The following CPQ variants were observed in gnomAD, a reference collection of about 807,000 sequenced individuals.
CPQ encodes the protein carboxypeptidase Q, also known as Ser-Met dipeptidase.
In CPQ, 37 loss-of-function variants were observed where a neutral mutation model predicts 45.7. The observed-to-expected ratio is 0.81, with a 90% CI of 0.62 to 1.07. The LOEUF (loss-of-function observed/expected upper bound fraction) is 1.07, where lower values mean the gene tolerates loss of function less well. Among genes scored for constraint, CPQ ranks in the 50% least tolerant of loss-of-function variants. The probability of loss-of-function intolerance (pLI) is 0.00; values close to 1 mark genes in which losing one functional copy is unlikely to be tolerated. For missense variants in CPQ, 537 were observed against 572.9 expected (o/e 0.94, Z 0.64); for synonymous variants, 186 against 205.8 (o/e 0.90, Z 0.82).
chr8:96,818,366 T>C (rs1432016892), intron 2 of CPQ, among the ~76,000 whole-genome samples: 4 of 151,990 alleles, frequency 2.6e-5, no homozygotes, highest in Non-Finnish European at 5.9e-5. Flanking sequence ...TCACTGATCA[T>C]AGATCATCAT....
intron 6 of CPQ, among the ~76,000 whole-genome samples, chr8:97,046,170 A>G (rs1232732045): frequency 5.9e-5 from 9 of 152,020 alleles, no homozygotes; most frequent in Non-Finnish European, 5.9e-5. Flanking sequence ...TTCCTTATCA[A>G]TTGGGTCACA....
intron 2 of CPQ, among the ~76,000 whole-genome samples, chr8:96,814,078 C>T (rs897472053): frequency 6.6e-6 from 1 of 151,806 alleles, no homozygotes; most frequent in African/African-American, 2.4e-5. Flanking sequence ...GTATTAAATA[C>T]TTTTTGAACA....
At chr8:96,784,465 G>C (rs1459076807) in intron 1 of CPQ, among the ~76,000 whole-genome samples, 1 of 151,940 alleles carries the variant, frequency 6.6e-6, no homozygotes, top group Non-Finnish European at 1.5e-5. Flanking sequence ...GGAGGAGTCT[G>C]ACAGGCAAAG....
chr8:96,835,299 C>T, intron 3 of CPQ, 119 bp downstream of exon 3: 1 of 752,590 alleles, frequency 1.3e-6, no homozygotes, highest in Non-Finnish European at 1.9e-6. Flanking sequence ...ATGGAGTTTC[C>T]CCCCCAAACA....
chr8:96,805,590 T>G (rs1450988782), intron 2 of CPQ, among the ~76,000 whole-genome samples: 2 of 152,184 alleles, frequency 1.3e-5, no homozygotes, highest in South Asian at 2.1e-4. Context: ...TATTTCATTT[T>G]TTTCATGTAT....
rs143316853 is a variant in CPQ at position 96,850,652 on chromosome 8, C to T, written c.641+15472C>T. Among the ~76,000 whole-genome samples the T allele has an allele frequency of 4.8e-3, 706 of 146,034 alleles. 7 individuals carry two copies. The highest frequency in any genetic ancestry group is 0.017 in the African/African-American group (674 of 39,316). ...GAGATGCAGTTTTGCTCTTGTTGCCCAGGCTAGAGTGCAGCAGTGAGATCT... is the reference window on the plus strand; with the variant it reads ...GAGATGCAGTTTTGCTCTTGTTGCCTAGGCTAGAGTGCAGCAGTGAGATCT... On this transcript the variant is annotated intron_variant, in intron 3 of 7. Transcript: ENST00000220763.
intron 5 of CPQ, among the ~76,000 whole-genome samples, chr8:97,006,257 T>C (rs1409159618): frequency 6.6e-6 from 1 of 152,168 alleles, no homozygotes; most frequent in Non-Finnish European, 1.5e-5. Context: ...AGAGGTGTGA[T>C]TGAGATGTGG....
At chr8:97,045,891 G>A (rs73281757) in intron 6 of CPQ, among the ~76,000 whole-genome samples, 447 of 152,278 alleles carry the variant, frequency 2.9e-3, no homozygotes, top group African/African-American at 9.7e-3. Flanking sequence ...GCAGCTCCTC[G>A]CTGGCACATC....
chr8:96,874,210 C>T (rs1390021038), intron 3 of CPQ, among the ~76,000 whole-genome samples: 1 of 151,768 alleles, frequency 6.6e-6, no homozygotes, highest in Non-Finnish European at 1.5e-5. Flanking sequence ...AAGCCAAGTC[C>T]ATGGAAGTAT....
chr8:97,106,613 T>G lies in CPQ; in HGVS notation c.1256-36407T>G, dbSNP rs76059206. On this transcript the variant is annotated intron_variant, in intron 7 of 7. Transcript: ENST00000220763. ...AAATTCTTCAGTTGCACTAGCCACA[T>G]TTCAAGTACTAGACATCCAAATGGA... 6.4e-3 allele frequency among the ~76,000 whole-genome samples: 978 copies of G among 152,334 alleles called. 8 individuals are homozygous for G. Among genetic ancestry groups the G allele is most frequent in the African/African-American group, 0.023 (943 of 41,568 alleles).
intron 2 of CPQ, among the ~76,000 whole-genome samples, chr8:96,812,766 C>T (rs1811175121): frequency 6.6e-6 from 1 of 151,954 alleles, no homozygotes. Context: ...AGCTAAGAGA[C>T]AAGCAAATAA....
intron 4 of CPQ, among the ~76,000 whole-genome samples, chr8:96,894,926 A>G (rs1218724949): frequency 6.6e-6 from 1 of 152,230 alleles, no homozygotes; most frequent in Non-Finnish European, 1.5e-5. Flanking sequence ...TTTTATAACC[A>G]ATTATATGTT....
In CPQ at chr8:96,966,013, T is replaced by C; in HGVS notation, c.928T>C (p.Ser310Pro). The change falls in exon 5 of 8, where the codon TCA (serine) becomes CCA (proline). Residue 310 changes from serine (S) to proline (P), a missense_variant. Coordinates refer to ENST00000220763, the MANE Select transcript of CPQ (RefSeq NM_016134.4). ...GGATGATGGCGGTGGAGCCTTTATA[T>C]CATGGGAAGCACTCTCACTTATTAA... Reference protein sequence around the residue: ...AMDDGGGAFISWEALSLIKDL... With the variant: ...AMDDGGGAFIPWEALSLIKDL... The C allele has an allele frequency of 6.2e-7, 1 of 1,613,796 alleles. No individual in the cohort carries two copies. Among genetic ancestry groups the C allele is most frequent in the Non-Finnish European group, 8.5e-7 (1 of 1,179,814 alleles).
chr8:96,752,729 G>A (rs1343565547), intron 1 of CPQ, among the ~76,000 whole-genome samples: 1 of 152,076 alleles, frequency 6.6e-6, no homozygotes, highest in African/African-American at 2.4e-5. Flanking sequence ...AATGCTTTCA[G>A]CTTTTGCCCA....
intron 5 of CPQ, among the ~76,000 whole-genome samples, chr8:97,004,380 T>A (rs573599076): frequency 3.3e-5 from 5 of 151,856 alleles, no homozygotes; most frequent in South Asian, 4.2e-4. Context: ...TTAGTGATTT[T>A]AAAAAAACAA....
At chr8:96,719,318 C>T (rs977767229) in intron 1 of CPQ, among the ~76,000 whole-genome samples, 2 of 152,252 alleles carry the variant, frequency 1.3e-5, no homozygotes, top group Non-Finnish European at 2.9e-5. Flanking sequence ...CCTCCGCAGC[C>T]ACTGGCCTGG....
At chr8:96,896,266 C>T (rs1458598670) in intron 4 of CPQ, among the ~76,000 whole-genome samples, 1 of 152,090 alleles carries the variant, frequency 6.6e-6, no homozygotes, top group East Asian at 1.9e-4. Flanking sequence ...TTACTATGCC[C>T]CTATCAACAC....
At chr8:96,695,392 T>G (rs1445728077) in intron 1 of CPQ, among the ~76,000 whole-genome samples, 1 of 146,328 alleles carries the variant, frequency 6.8e-6, no homozygotes, top group African/African-American at 2.5e-5. Flanking sequence ...AAGGACTTCA[T>G]GTCTAAAACA....
intron 2 of CPQ, among the ~76,000 whole-genome samples, chr8:96,827,133 G>T (rs1176532165): frequency 1.3e-5 from 2 of 152,066 alleles, no homozygotes; most frequent in East Asian, 3.9e-4. Flanking sequence ...CAAGCTCAGT[G>T]TCTTTGACTG....
Sources: allele counts gnomAD v4.1 joint callset (sites outside exome capture counted in the v4.1 genomes callset), GRCh38; gene constraint gnomAD v4.1.1; transcripts MANE v1.5; gene names NCBI Gene and HGNC (gene_info 2026-07-23, HGNC 2026-07-21).